RBFOX1: variants seen among roughly 807,000 people sequenced by gnomAD.
The protein encoded by RBFOX1 is RNA binding protein fox-1 homolog 1.
A neutral mutation model predicts 57.7 loss-of-function variants in RBFOX1; 8 were observed. The ratio of observed to expected loss-of-function variants is 0.14; its 90% CI spans 0.08 to 0.25. The LOEUF (loss-of-function observed/expected upper bound fraction) is 0.25, where lower values mean the gene tolerates loss of function less well. Among genes scored for constraint, RBFOX1 ranks in the 10% least tolerant of loss-of-function variants. RBFOX1 has a pLI of 1.00. For synonymous variants in RBFOX1, 326 were observed against 222.4 expected (o/e 1.47, Z -4.15); for missense variants, 611 against 548.5 (o/e 1.11, Z -1.14).
At chr16:6,824,036 A>T (rs2091765131) in intron 3 of RBFOX1, among the ~76,000 whole-genome samples, 1 of 152,220 alleles carries the variant, frequency 6.6e-6, no homozygotes, top group African/African-American at 2.4e-5. Flanking sequence ...GTTCTCCATT[A>T]TCTGGATTTC....
intron 2 of RBFOX1, among the ~76,000 whole-genome samples, chr16:6,320,577 A>G (rs2152785070): frequency 6.6e-6 from 1 of 152,232 alleles, no homozygotes; most frequent in South Asian, 2.1e-4. Flanking sequence ...TTGTGAAATG[A>G]TTACCACAAT....
chr16:5,263,021 A>G (rs906043100), intron 1 of RBFOX1, among the ~76,000 whole-genome samples: 1 of 152,014 alleles, frequency 6.6e-6, no homozygotes. Flanking sequence ...AGATCATTAC[A>G]AATCTTTGGG....
chr16:7,522,355 A>G (rs567254176), intron 5 of RBFOX1, among the ~76,000 whole-genome samples: 44 of 152,310 alleles, frequency 2.9e-4, no homozygotes, highest in African/African-American at 9.9e-4. Context: ...TAAGACATCA[A>G]TGGGATGTTC....
intron 3 of RBFOX1, among the ~76,000 whole-genome samples, chr16:5,641,759 G>C (rs988086218): frequency 6.6e-6 from 1 of 152,188 alleles, no homozygotes; most frequent in Non-Finnish European, 1.5e-5. Context: ...CAGGGGGTCA[G>C]TTCTTGGAGA....
intron 4 of RBFOX1, among the ~76,000 whole-genome samples, chr16:7,110,550 C>A (rs536942366): frequency 6.6e-6 from 1 of 152,172 alleles, no homozygotes. Context: ...CTAAGAACTT[C>A]GAGTACACAG....
intron 4 of RBFOX1, among the ~76,000 whole-genome samples, chr16:7,397,014 C>A (rs1052453515): frequency 6.6e-6 from 1 of 152,160 alleles, no homozygotes; most frequent in African/African-American, 2.4e-5. Context: ...AACACATAGC[C>A]TACACATTCA....
intron 4 of RBFOX1, among the ~76,000 whole-genome samples, chr16:5,995,947 G>A (rs1306986505): frequency 1.3e-5 from 2 of 152,320 alleles, no homozygotes; most frequent in Non-Finnish European, 1.5e-5. Flanking sequence ...GATTGATTCG[G>A]TATGTGGTGA....
At chr16:7,148,983 G>A (rs1404963387) in intron 4 of RBFOX1, among the ~76,000 whole-genome samples, 3 of 152,332 alleles carry the variant, frequency 2.0e-5, no homozygotes, top group African/African-American at 4.8e-5. Context: ...TGAAGCCATA[G>A]TATTTTGCTT....
intron 2 of RBFOX1, among the ~76,000 whole-genome samples, chr16:6,335,580 C>A (rs943012799): frequency 6.6e-5 from 10 of 151,716 alleles, no homozygotes; most frequent in African/African-American, 2.2e-4. Context: ...GAGATTGAGA[C>A]CCTCCTGGCC....
intron 12 of RBFOX1, among the ~76,000 whole-genome samples, chr16:7,661,379 G>C (rs905809803): frequency 6.6e-6 from 1 of 152,078 alleles, no homozygotes; most frequent in Non-Finnish European, 1.5e-5. Flanking sequence ...CCTCCAAGAA[G>C]CCAGAGCGTG....
intron 14 of RBFOX1, among the ~76,000 whole-genome samples, chr16:7,700,813 G>T (rs528588586): frequency 6.6e-6 from 1 of 151,404 alleles, no homozygotes; most frequent in Non-Finnish European, 1.5e-5. Context: ...TTGGGTTTCA[G>T]AATAGGAAGA....
chr16:6,329,134 T>C (rs2082710043), intron 2 of RBFOX1, among the ~76,000 whole-genome samples: 1 of 152,144 alleles, frequency 6.6e-6, no homozygotes, highest in African/African-American at 2.4e-5. Context: ...TGATCATGGA[T>C]GGAAGTTATT....
At chr16:6,070,812 C>A (rs191090671) in intron 1 of RBFOX1, among the ~76,000 whole-genome samples, 1 of 151,344 alleles carries the variant, frequency 6.6e-6, no homozygotes, top group East Asian at 2.0e-4. Flanking sequence ...TACACACACA[C>A]GCTCGCCCCC....
At chr16:7,004,406 A>G (rs1455070441) in intron 3 of RBFOX1, among the ~76,000 whole-genome samples, 2 of 152,166 alleles carry the variant, frequency 1.3e-5, no homozygotes, top group East Asian at 3.9e-4. Context: ...ATTTAGTCTC[A>G]GAGACCCAAG....
chr16:6,878,857 G>A (rs2062353025), intron 3 of RBFOX1, among the ~76,000 whole-genome samples: 2 of 142,292 alleles, frequency 1.4e-5, no homozygotes, highest in African/African-American at 2.7e-5. Context: ...AAGGATCAGA[G>A]AGAAATTAAC....
intron 3 of RBFOX1, among the ~76,000 whole-genome samples, chr16:6,785,227 C>T (rs187865230): frequency 2.0e-5 from 3 of 152,218 alleles, no homozygotes; most frequent in East Asian, 3.9e-4. Flanking sequence ...GAGGGAATCT[C>T]CCAGTCCGTT....
chr16:6,299,565 C>T lies in RBFOX1; in HGVS notation c.-126-17430C>T, dbSNP rs542993709. 5.3e-4 allele frequency among the ~76,000 whole-genome samples: 81 copies of T among 152,202 alleles called. 1 individual carries two copies. In the South Asian group the frequency reaches 0.016, roughly 31 times the overall value. On this transcript the variant is annotated intron_variant, in intron 1 of 15. Transcript: ENST00000550418. Reference sequence around the variant, plus strand: ...ATTTTACTCTACCTTCCCAAGACCCCAGCGTCATCGTCACTCTCACATCCA... The same window carrying T: ...ATTTTACTCTACCTTCCCAAGACCCTAGCGTCATCGTCACTCTCACATCCA...
intron 2 of RBFOX1, among the ~76,000 whole-genome samples, chr16:6,410,574 G>C (rs1483794749): frequency 6.6e-6 from 1 of 152,092 alleles, no homozygotes; most frequent in East Asian, 1.9e-4. Flanking sequence ...GCCTCCCAAA[G>C]TGCTGGGATT....
rs1255430430 is a variant in RBFOX1, at chr16:7,034,841, C to CTTTTTTTTTTTTTTTT, written c.-15-17210_-15-17209insTTTTTTTTTTTTTTTT. 6.7e-3 allele frequency among the ~76,000 whole-genome samples: 262 copies of CTTTTTTTTTTTTTTTT among 39,016 alleles called. 36 individuals are homozygous for CTTTTTTTTTTTTTTTT. Among genetic ancestry groups the CTTTTTTTTTTTTTTTT allele is most frequent in the Middle Eastern group, 0.014 (1 of 74 alleles). 25.6% of individuals were successfully genotyped at this position (39,016 alleles called of 152,430 possible). A position where few individuals can be genotyped will look rare whatever the true frequency, so the allele number is the denominator to read the frequency against. On this transcript the variant is annotated intron_variant, in intron 3 of 15. Coordinates refer to ENST00000550418, the MANE Select transcript of RBFOX1 (RefSeq NM_018723.4). ...ATATTGCATTACTTTTTTTTTTTTTCTTTTTTCTTTTTTTTTTTTTTTTTT... is the reference window on the plus strand; with the variant it reads ...ATATTGCATTACTTTTTTTTTTTTTCTTTTTTTTTTTTTTTTTTTTTTCTTTTTTTTTTTTTTTTTT...
Sources: gnomAD v4.1 joint callset for allele counts (sites outside exome capture counted in the v4.1 genomes callset) on GRCh38, gnomAD v4.1.1 for gene constraint, MANE v1.5 for transcripts, NCBI Gene and HGNC (gene_info 2026-07-23, HGNC 2026-07-21) for gene names.